The following ARMC8 variants were observed in gnomAD, a reference collection of about 807,000 sequenced individuals.
The protein encoded by ARMC8 is armadillo repeat-containing protein 8.
A neutral mutation model predicts 99.3 loss-of-function variants in ARMC8; 20 were observed. The ratio of observed to expected loss-of-function variants is 0.20; its 90% CI spans 0.14 to 0.29. The LOEUF is 0.29. Ranked by LOEUF, ARMC8 falls within the 10% of genes least tolerant of loss-of-function variation. The probability of loss-of-function intolerance (pLI) is 1.00; values close to 1 mark genes in which losing one functional copy is unlikely to be tolerated. For missense variants in ARMC8, 569 were observed against 809.5 expected (o/e 0.70, Z 3.60); for synonymous variants, 263 against 278.3 (o/e 0.95, Z 0.55).
intron 2 of ARMC8, among the ~76,000 whole-genome samples, chr3:138,214,007 C>T (rs2044858771): frequency 6.6e-6 from 1 of 151,890 alleles, no homozygotes; most frequent in Admixed American, 6.6e-5. Flanking sequence ...TAAAAATTAG[C>T]CAGGCGTGGT....
At chr3:138,188,638 G>A in intron 1 of ARMC8, 1 of 1,408,862 alleles carries the variant, frequency 7.1e-7, no homozygotes, top group Non-Finnish European at 1.0e-6. Flanking sequence ...AGGGTAGTTG[G>A]ATTATAAATG....
At chr3:138,295,750 C>A in intron 21 of ARMC8, 109 bp from the exon 22 acceptor site, 1 of 1,287,234 alleles carries the variant, frequency 7.8e-7, no homozygotes, top group Non-Finnish European at 1.1e-6. Context: ...CCAATTCCCT[C>A]TGGAGATTTA....
chr3:138,281,894 T>G lies in ARMC8; in HGVS notation c.1726-2537T>G, dbSNP rs558104509. Among the ~76,000 whole-genome samples, 25 of 152,330 alleles carry G rather than the reference T, an allele frequency of 1.6e-4. 1 individual carries two copies. In the East Asian group the frequency reaches 4.6e-3, roughly 28 times the overall value. On this transcript the variant is annotated intron_variant, in intron 18 of 21. Transcript: ENST00000469044. Reference sequence around the variant, plus strand: ...CTTCCCCCCATGAATACCTTGGTTATGAAGCCTTATTAAAATTCTTATTCA... The same window carrying G: ...CTTCCCCCCATGAATACCTTGGTTAGGAAGCCTTATTAAAATTCTTATTCA...
At chr3:138,203,512 G>A (rs887584455) in intron 1 of ARMC8, among the ~76,000 whole-genome samples, 2 of 152,344 alleles carry the variant, frequency 1.3e-5, no homozygotes, top group African/African-American at 4.8e-5. Context: ...TCCATGCCAT[G>A]TGGGCCTCTC....
intron 11 of ARMC8, 62 bp downstream of exon 11, chr3:138,242,045 C>A: frequency 6.9e-7 from 1 of 1,445,012 alleles, no homozygotes; most frequent in Non-Finnish European, 9.7e-7. Context: ...TCTTACTGTT[C>A]ACAGTTTTGA....
At chr3:138,227,465 A>G (rs1333275535) in intron 5 of ARMC8, among the ~76,000 whole-genome samples, 3 of 152,158 alleles carry the variant, frequency 2.0e-5, no homozygotes, top group Non-Finnish European at 4.4e-5. Context: ...CTTTCTGTAC[A>G]CTTAGTATCT....
intron 3 of ARMC8, 124 bp from the exon 4 acceptor site, chr3:138,223,265 C>A: frequency 2.6e-6 from 2 of 774,528 alleles, no homozygotes; most frequent in Non-Finnish European, 4.1e-6. Flanking sequence ...AACAAATGAC[C>A]ATTGGATTCA....
chr3:138,276,687 A>G (rs1449756693), intron 18 of ARMC8, among the ~76,000 whole-genome samples: 1 of 152,236 alleles, frequency 6.6e-6, no homozygotes, highest in Non-Finnish European at 1.5e-5. Context: ...TTAGAAAAAA[A>G]TGAAATTCTA....
At chr3:138,264,889 C>A (rs979278847) in intron 14 of ARMC8, among the ~76,000 whole-genome samples, 14 of 150,830 alleles carry the variant, frequency 9.3e-5, no homozygotes, top group Non-Finnish European at 1.8e-4. Flanking sequence ...CTCGGCAATC[C>A]CTGGATTTTT....
At chr3:138,254,731 G>A (rs530548547) in intron 12 of ARMC8, among the ~76,000 whole-genome samples, 2 of 152,204 alleles carry the variant, frequency 1.3e-5, no homozygotes, top group African/African-American at 2.4e-5. Flanking sequence ...CTTTGGTTTT[G>A]GGGAAAGGAA....
At chr3:138,252,825 T>G (rs950367053) in intron 12 of ARMC8, among the ~76,000 whole-genome samples, 1 of 140,236 alleles carries the variant, frequency 7.1e-6, no homozygotes, top group Non-Finnish European at 1.5e-5. Context: ...CGCATATGCC[T>G]GTGTGTACTG....
At chr3:138,237,279 C>T in intron 7 of ARMC8, 30 bp from the exon 8 acceptor site, 2 of 1,596,602 alleles carry the variant, frequency 1.3e-6, no homozygotes, top group Middle Eastern at 1.7e-4. Flanking sequence ...GAATTAAACA[C>T]ATTTTTTGTT....
intron 12 of ARMC8, among the ~76,000 whole-genome samples, chr3:138,248,445 T>C (rs2046979056): frequency 6.6e-6 from 1 of 152,216 alleles, no homozygotes. Flanking sequence ...TTTCTAATGA[T>C]AGCCTTTACC....
Position 138,215,846 on chromosome 3 carries a change from A to G in ARMC8, c.122+5953A>G, listed in dbSNP as rs976945896. Among the ~76,000 whole-genome samples the G allele has an allele frequency of 7.4e-5, 11 of 149,262 alleles. No individual in the cohort carries two copies. The East Asian group carries it at 7.8e-4, about 11-fold the overall frequency. ...ATTTACAGTAAACTTTTCATGGTTT[A>G]TTTATTTATTTATTTATTTATTGTT... On this transcript the variant is annotated intron_variant, in intron 2 of 21. Coordinates refer to ENST00000469044, the MANE Select transcript of ARMC8 (RefSeq NM_001363941.2).
At chr3:138,253,750 C>T (rs2047251505) in intron 12 of ARMC8, among the ~76,000 whole-genome samples, 1 of 152,184 alleles carries the variant, frequency 6.6e-6, no homozygotes, top group Non-Finnish European at 1.5e-5. Context: ...AAGCAGAAGA[C>T]TGGCATGTAC....
At chr3:138,215,276 GC>G (rs906846746) in intron 2 of ARMC8, among the ~76,000 whole-genome samples, 6 of 151,870 alleles carry the variant, frequency 4.0e-5, no homozygotes, top group Non-Finnish European at 8.8e-5. Context: ...GAGTGCAATG[GC>G]GTGGTCTGGG....
At chr3:138,245,219 A>G (rs1035954171) in intron 12 of ARMC8, 36 bp downstream of exon 12, 5 of 1,614,214 alleles carry the variant, frequency 3.1e-6, no homozygotes, top group Non-Finnish European at 4.2e-6. Context: ...CAGTCCTGAC[A>G]GCCAGCAGGC....
chr3:138,245,307 A>G, intron 12 of ARMC8, 124 bp downstream of exon 12: 3 of 1,574,700 alleles, frequency 1.9e-6, no homozygotes, highest in Non-Finnish European at 2.6e-6. Context: ...CAGAGTGACT[A>G]AAGGCATAAT....
intron 2 of ARMC8, among the ~76,000 whole-genome samples, chr3:138,216,532 T>C (rs1289562384): frequency 6.6e-6 from 1 of 152,212 alleles, no homozygotes; most frequent in Non-Finnish European, 1.5e-5. Context: ...TTATCATACT[T>C]GGATGTCTGG....
Sources: gnomAD v4.1 joint callset for allele counts (sites outside exome capture counted in the v4.1 genomes callset) on GRCh38, gnomAD v4.1.1 for gene constraint, MANE v1.5 for transcripts, NCBI Gene and HGNC (gene_info 2026-07-23, HGNC 2026-07-21) for gene names.